Variants in CTNND2 observed in about 807,000 individuals in gnomAD.
CTNND2 encodes catenin delta 2.
Under a neutral mutation model 144.4 loss-of-function variants are expected in CTNND2, and 22 were observed. The observed-to-expected ratio is 0.15, with a 90% CI of 0.11 to 0.22. The LOEUF (loss-of-function observed/expected upper bound fraction) is 0.22, where lower values mean the gene tolerates loss of function less well. Among genes scored for constraint, CTNND2 ranks in the 10% least tolerant of loss-of-function variants. CTNND2 has a pLI of 1.00. For missense variants in CTNND2, 1,353 were observed against 1,618.8 expected (o/e 0.84, Z 2.82); for synonymous variants, 751 against 695.6 (o/e 1.08, Z -1.25).
intron 7 of CTNND2, among the ~76,000 whole-genome samples, chr5:11,379,565 A>T (rs896396983): frequency 5.3e-5 from 8 of 150,570 alleles, no homozygotes; most frequent in East Asian, 1.9e-4. Flanking sequence ...TTAATTTATT[A>T]AAAAAAAACT....
chr5:11,580,407 G>T (rs897957051), intron 2 of CTNND2, among the ~76,000 whole-genome samples: 1 of 152,180 alleles, frequency 6.6e-6, no homozygotes, highest in South Asian at 2.1e-4. Flanking sequence ...CATAACAAGT[G>T]TACATTATTC....
At chr5:11,500,749 C>T (rs1374884923) in intron 3 of CTNND2, among the ~76,000 whole-genome samples, 2 of 152,216 alleles carry the variant, frequency 1.3e-5, no homozygotes, top group Non-Finnish European at 2.9e-5. Context: ...ACATACTGAA[C>T]ACCACGCTGT....
At chr5:11,433,916 T>C (rs940528410) in intron 3 of CTNND2, among the ~76,000 whole-genome samples, 2 of 151,928 alleles carry the variant, frequency 1.3e-5, no homozygotes, top group Admixed American at 6.6e-5. Context: ...AGTCGGGGAG[T>C]TTCTTTAATA....
At chr5:11,208,886 T>A (rs1208607198) in intron 10 of CTNND2, among the ~76,000 whole-genome samples, 2 of 152,188 alleles carry the variant, frequency 1.3e-5, no homozygotes, top group African/African-American at 4.8e-5. Context: ...ATTGCTAAAT[T>A]CTTCCTTGAA....
chr5:11,777,148 T>C (rs560666713), intron 1 of CTNND2, among the ~76,000 whole-genome samples: 14 of 152,312 alleles, frequency 9.2e-5, no homozygotes, highest in Admixed American at 7.2e-4. Flanking sequence ...CATAAATTGT[T>C]TAAATATATT....
chr5:11,128,941 T>TATATATTATATATAAATATATATA (rs1755073338), intron 12 of CTNND2, among the ~76,000 whole-genome samples: 1 of 38,550 alleles, frequency 2.6e-5, no homozygotes, highest in Non-Finnish European at 5.2e-5. Context: ...ATATATATAT[T>TATATATTATATATAAATATATATA]ATATATAATA....
rs1561384405 is a variant in CTNND2 at position 11,432,127 on chromosome 5, T to TTTTA, written c.288-20059_288-20058insTAAA. Among the ~76,000 whole-genome samples, 652 of 150,398 alleles carry TTTTA rather than the reference T, an allele frequency of 4.3e-3. 9 individuals carry two copies. The highest frequency in any genetic ancestry group is 0.015 in the African/African-American group (617 of 40,934). On this transcript the variant is annotated intron_variant, in intron 3 of 21. Coordinates refer to ENST00000304623, the MANE Select transcript of CTNND2 (RefSeq NM_001332.4). ...TCATTTTCTGAGGTTGAGGCTTTTT[T>TTTTA]TTTTTTTTTTTTTTAAGTTAAGGGC... is the stretch of plus-strand genomic sequence containing the variant.
At chr5:11,681,230 T>C (rs2126628131) in intron 2 of CTNND2, among the ~76,000 whole-genome samples, 1 of 152,268 alleles carries the variant, frequency 6.6e-6, no homozygotes, top group Non-Finnish European at 1.5e-5. Context: ...AAGAAAAATG[T>C]ATTTCAAGAA....
intron 1 of CTNND2, among the ~76,000 whole-genome samples, chr5:11,785,022 T>C (rs1216629220): frequency 6.6e-6 from 1 of 152,236 alleles, no homozygotes; most frequent in Non-Finnish European, 1.5e-5. Flanking sequence ...TTTTCTTCTA[T>C]TGTTCTTGCA....
chr5:11,048,839 T>A (rs867973666), intron 16 of CTNND2, among the ~76,000 whole-genome samples: 6 of 152,352 alleles, frequency 3.9e-5, no homozygotes, highest in Admixed American at 1.3e-4. Flanking sequence ...TTGAGAGACG[T>A]CTGTACAAGA....
chr5:11,882,884 A>C (rs2127078829), intron 1 of CTNND2, among the ~76,000 whole-genome samples: 1 of 152,296 alleles, frequency 6.6e-6, no homozygotes, highest in East Asian at 1.9e-4. Flanking sequence ...TTGAATCTAT[A>C]GATTTCTTTA....
chr5:11,299,461 C>G (rs1220317579), intron 9 of CTNND2, among the ~76,000 whole-genome samples: 2 of 152,136 alleles, frequency 1.3e-5, no homozygotes, highest in African/African-American at 4.8e-5. Flanking sequence ...CTCCCAATTT[C>G]ACATGCATCA....
chr5:11,549,069 C>A (rs1445302482), intron 3 of CTNND2, among the ~76,000 whole-genome samples: 1 of 152,152 alleles, frequency 6.6e-6, no homozygotes, highest in African/African-American at 2.4e-5. Flanking sequence ...CTTGCACTTG[C>A]TGTTTTATCT....
At chr5:11,681,815 T>A (rs936785687) in intron 2 of CTNND2, among the ~76,000 whole-genome samples, 6 of 152,224 alleles carry the variant, frequency 3.9e-5, no homozygotes, top group Admixed American at 3.9e-4. Flanking sequence ...AGTTTACTAA[T>A]TACCTGCTTT....
intron 12 of CTNND2, among the ~76,000 whole-genome samples, chr5:11,155,847 C>A (rs1376159931): frequency 6.6e-6 from 1 of 152,180 alleles, no homozygotes; most frequent in Admixed American, 6.5e-5. Flanking sequence ...GGACTAAGGG[C>A]ATTAACTTTT....
intron 10 of CTNND2, among the ~76,000 whole-genome samples, chr5:11,221,751 G>C (rs1174042699): frequency 6.6e-6 from 1 of 152,172 alleles, no homozygotes; most frequent in African/African-American, 2.4e-5. Flanking sequence ...AACAAGGTGT[G>C]TCTTCCTTGG....
chr5:11,386,672 C>A (rs899142735), intron 6 of CTNND2, among the ~76,000 whole-genome samples: 4 of 152,150 alleles, frequency 2.6e-5, no homozygotes, highest in Admixed American at 1.3e-4. Flanking sequence ...CTCACACACA[C>A]ATGCAATCCA....
rs114225082 is a variant in CTNND2 at position 11,076,402 on chromosome 5, C to T, written c.2788+6294G>A. On this transcript the variant is annotated intron_variant, in intron 16 of 21. Transcript: ENST00000304623. Reference sequence around the variant, plus strand: ...TCTACACCAGGAACTGTCCATGTGCCGAAATGGGTGGCATTTTGCTAAACT... The same window carrying T: ...TCTACACCAGGAACTGTCCATGTGCTGAAATGGGTGGCATTTTGCTAAACT... Among the ~76,000 whole-genome samples the T allele has an allele frequency of 2.0e-3, 301 of 152,292 alleles. 1 individual carries two copies. Among genetic ancestry groups the T allele is most frequent in the African/African-American group, 6.8e-3 (284 of 41,560 alleles).
At chr5:11,228,563 A>C (rs245138) in intron 10 of CTNND2, among the ~76,000 whole-genome samples, 1 of 150,432 alleles carries the variant, frequency 6.6e-6, no homozygotes, top group Non-Finnish European at 1.5e-5. Flanking sequence ...TCCACTTACT[A>C]CAGCCTCGTC....
Sources: gnomAD v4.1 joint callset for allele counts (sites outside exome capture counted in the v4.1 genomes callset) on GRCh38, gnomAD v4.1.1 for gene constraint, MANE v1.5 for transcripts, NCBI Gene and HGNC (gene_info 2026-07-23, HGNC 2026-07-21) for gene names.